The following NCK2 variants were observed in gnomAD, a reference collection of about 807,000 sequenced individuals.
NCK2 encodes cytoplasmic protein NCK2.
NCK2 carries 16 observed loss-of-function variants against 33.9 expected under a neutral mutation model. The observed-to-expected ratio is 0.47, with a 90% CI of 0.32 to 0.72. The LOEUF (loss-of-function observed/expected upper bound fraction) is 0.72, where lower values mean the gene tolerates loss of function less well. Among genes scored for constraint, NCK2 ranks in the 30% least tolerant of loss-of-function variants. The pLI is 0.03. For synonymous variants in NCK2, 273 were observed against 239.9 expected, an observed-to-expected ratio of 1.14 and a Z score of -1.27; for missense variants, 418 against 537.3, an observed-to-expected ratio of 0.78 and a Z score of 2.19.
At chr2:105,826,554 T>C (rs1287751076) in intron 2 of NCK2, among the ~76,000 whole-genome samples, 1 of 152,206 alleles carries the variant, frequency 6.6e-6, no homozygotes, top group Non-Finnish European at 1.5e-5. Flanking sequence ...TGTTTTTTAA[T>C]GCAAAAATGT....
chr2:105,800,501 A>G (rs899799861), intron 1 of NCK2, among the ~76,000 whole-genome samples: 1 of 152,200 alleles, frequency 6.6e-6, no homozygotes, highest in African/African-American at 2.4e-5. Context: ...CTGGAGGCCA[A>G]GGAAAATAGA....
chr2:105,870,858 C>T (rs552410329), intron 3 of NCK2, among the ~76,000 whole-genome samples: 1 of 152,216 alleles, frequency 6.6e-6, no homozygotes, highest in South Asian at 2.1e-4. Flanking sequence ...CCAGACACAG[C>T]CAGTAACAGC....
chr2:105,871,201 G>T (rs564425154), intron 3 of NCK2, among the ~76,000 whole-genome samples: 1 of 152,108 alleles, frequency 6.6e-6, no homozygotes, highest in East Asian at 1.9e-4. Context: ...TGGTGACTTT[G>T]TTTGTCCTTC....
At chr2:105,864,066 CGGACTGGGGTGAGCAAGA>C (rs1330095138) in intron 3 of NCK2, among the ~76,000 whole-genome samples, 2 of 151,888 alleles carry the variant, frequency 1.3e-5, no homozygotes, top group Non-Finnish European at 2.9e-5. Flanking sequence ...GCGAGCCAGC[CGGACTGGGGTGAGCAAGA>C]GGGCTGGGGC....
intron 1 of NCK2, among the ~76,000 whole-genome samples, chr2:105,769,840 G>T (rs190934653): frequency 1.3e-5 from 2 of 152,182 alleles, no homozygotes; most frequent in African/African-American, 4.8e-5. Flanking sequence ...TTAATCCCTC[G>T]GAGTAATCTT....
At chr2:105,761,025 C>T (rs1429198115) in intron 1 of NCK2, among the ~76,000 whole-genome samples, 1 of 152,170 alleles carries the variant, frequency 6.6e-6, no homozygotes, top group African/African-American at 2.4e-5. Flanking sequence ...CCTGAGGAAG[C>T]CCTGGTCTGT....
intron 2 of NCK2, among the ~76,000 whole-genome samples, chr2:105,841,759 T>C (rs932883713): frequency 2.0e-5 from 3 of 152,176 alleles, no homozygotes; most frequent in Non-Finnish European, 4.4e-5. Context: ...ACACTTACAT[T>C]TGAGGCTAAG....
At chr2:105,838,312 T>C (rs867321553) in intron 2 of NCK2, among the ~76,000 whole-genome samples, 14 of 76,526 alleles carry the variant, frequency 1.8e-4, no homozygotes, top group Admixed American at 3.2e-4. Flanking sequence ...ATTAAAATGT[T>C]TTTTTTTTTT....
At chr2:105,863,260 C>G (rs1002506188) in intron 3 of NCK2, among the ~76,000 whole-genome samples, 1 of 152,094 alleles carries the variant, frequency 6.6e-6, no homozygotes, top group Non-Finnish European at 1.5e-5. Context: ...TATAAATATT[C>G]TCACAGGTCT....
intron 1 of NCK2, among the ~76,000 whole-genome samples, chr2:105,812,863 C>T (rs1675342754): frequency 6.7e-6 from 1 of 150,138 alleles, no homozygotes; most frequent in Admixed American, 6.6e-5. Flanking sequence ...GAAGCAGTAA[C>T]GTTGAAAACA....
chr2:105,826,714 G>A (rs947711150), intron 2 of NCK2, among the ~76,000 whole-genome samples: 2 of 152,064 alleles, frequency 1.3e-5, no homozygotes, highest in Admixed American at 1.3e-4. Context: ...TCAATTCCAA[G>A]TTCTGGCCAA....
chr2:105,789,512 A>G (rs912227145), intron 1 of NCK2, among the ~76,000 whole-genome samples: 1 of 152,206 alleles, frequency 6.6e-6, no homozygotes, highest in Admixed American at 6.5e-5. Context: ...TCAATGAGAA[A>G]AACATTAGCC....
At position 105,745,068 on chromosome 2, in the gene NCK2, C is replaced by CGG. The variant is rs1689224017; in HGVS notation, c.-269_-268dup. On this transcript the variant is annotated 5_prime_UTR_variant, in exon 1 of 5. Coordinates refer to ENST00000233154, the MANE Select transcript of NCK2 (RefSeq NM_003581.5). Reference sequence around the variant, plus strand: ...GCGCAGACAAAGAGCGGCGCCTGGGCGGGCGCAGCGCGGCCACCGCCCCGG... The same window carrying CGG: ...GCGCAGACAAAGAGCGGCGCCTGGGCGGGGGCGCAGCGCGGCCACCGCCCCGG... 1 of 146,912 alleles carries CGG rather than the reference C, an allele frequency of 6.8e-6. No homozygotes were observed. The highest frequency in any genetic ancestry group is 1.5e-5 in the Non-Finnish European group (1 of 66,014). 9.1% of individuals were successfully genotyped at this position (146,912 alleles called of 1,614,324 possible). A position where few individuals can be genotyped will look rare whatever the true frequency, so the allele number is the denominator to read the frequency against.
intron 1 of NCK2, among the ~76,000 whole-genome samples, chr2:105,797,510 T>A (rs1368933106): frequency 6.6e-6 from 1 of 152,208 alleles, no homozygotes; most frequent in Non-Finnish European, 1.5e-5. Flanking sequence ...GGGAGGTTCT[T>A]AAATTCTCTG....
chr2:105,769,806 GT>G (rs1690069380), intron 1 of NCK2, among the ~76,000 whole-genome samples: 1 of 152,266 alleles, frequency 6.6e-6, no homozygotes, highest in Admixed American at 6.5e-5. Flanking sequence ...GTTGTAGAAG[GT>G]AAACCGGAGA....
chr2:105,795,516 A>G (rs1412653826), intron 1 of NCK2, among the ~76,000 whole-genome samples: 1 of 152,272 alleles, frequency 6.6e-6, no homozygotes, highest in Non-Finnish European at 1.5e-5. Flanking sequence ...TAGAAAATAC[A>G]TGGATATTCC....
At chr2:105,775,215 T>A (rs752109757) in intron 1 of NCK2, among the ~76,000 whole-genome samples, 15 of 152,188 alleles carry the variant, frequency 9.9e-5, no homozygotes, top group Non-Finnish European at 2.1e-4. Context: ...GTGTGTGGCA[T>A]GTGGGTGCCT....
chr2:105,819,874 C>G (rs1447034704), intron 2 of NCK2, among the ~76,000 whole-genome samples: 1 of 152,036 alleles, frequency 6.6e-6, no homozygotes, highest in African/African-American at 2.4e-5. Context: ...AACACCCCAC[C>G]TGTATTTTGG....
rs546220034 is a variant in NCK2 at position 105,779,082 on chromosome 2, G to A, written c.-201+33944G>A. On this transcript the variant is annotated intron_variant, in intron 1 of 4. Transcript: ENST00000233154. ...AGCACTTTGGGAGGCTGAGGCAGGT[G>A]GATCACTTGAGGTCATGAGTTTTTG... Among the ~76,000 whole-genome samples the A allele has an allele frequency of 2.8e-4, 42 of 152,278 alleles. No homozygotes were observed. The South Asian group carries it at 8.7e-3, about 32-fold the overall frequency.
Sources: allele counts gnomAD v4.1 joint callset (sites outside exome capture counted in the v4.1 genomes callset), GRCh38; gene constraint gnomAD v4.1.1; transcripts MANE v1.5; gene names NCBI Gene and HGNC (gene_info 2026-07-23, HGNC 2026-07-21).